Variants in NCL observed in about 807,000 individuals in gnomAD.
The protein encoded by NCL is nucleolin multifunctional protein.
NCL carries 4 observed loss-of-function variants against 77.7 expected under a neutral mutation model. The observed-to-expected ratio is 0.05, with a 90% CI of 0.03 to 0.12. The LOEUF (loss-of-function observed/expected upper bound fraction) is 0.12, where lower values mean the gene tolerates loss of function less well. Ranked by LOEUF, NCL falls within the 10% of genes least tolerant of loss-of-function variation. The pLI is 1.00. For missense variants in NCL, 763 were observed against 860.9 expected, an observed-to-expected ratio of 0.89 and a Z score of 1.42; for synonymous variants, 344 against 297.8, an observed-to-expected ratio of 1.16 and a Z score of -1.60.
rs754577866 is a variant in NCL at position 231,461,916 on chromosome 2, C to T, written c.237G>A (p.Lys79=). Reference sequence around the variant, plus strand: ...TTTTGCCTGGAGTGACAGCTGCTTTCTTGGCTGGTGTGGCAACTGCAACCT... The same window carrying T: ...TTTTGCCTGGAGTGACAGCTGCTTTTTTGGCTGGTGTGGCAACTGCAACCT... ...TKKVAVATPA[K]KAAVTPGKKA... is the part of the protein sequence containing the mutation. Residue 79 remains lysine, a synonymous_variant, in exon 3 of 14, where the codon AAG becomes AAA. Coordinates refer to ENST00000322723, the MANE Select transcript of NCL (RefSeq NM_005381.3). The T allele has an allele frequency of 6.4e-5, 104 of 1,614,092 alleles. No individual in the cohort carries two copies. Among genetic ancestry groups the T allele is most frequent in the Non-Finnish European group, 8.3e-5 (98 of 1,180,038 alleles).
intron 7 of NCL, 163 bp downstream of exon 7, chr2:231,458,838 C>G (rs1285162911): frequency 1.3e-6 from 1 of 772,180 alleles, no homozygotes; most frequent in Non-Finnish European, 1.9e-6. Context: ...GCCAAGTACT[C>G]TTGTAAACAC....
chr2:231,462,937 T>C (rs1480517051), intron 2 of NCL: 1 of 414,692 alleles, frequency 2.4e-6, no homozygotes, highest in African/African-American at 2.0e-5. Context: ...TGGAAAAATG[T>C]AATGATTTAA....
At chr2:231,461,062 TGAGGTCAA>T (rs1358694080) in intron 3 of NCL, among the ~76,000 whole-genome samples, 196 bp from the exon 4 acceptor site, 3 of 152,142 alleles carry the variant, frequency 2.0e-5, no homozygotes, top group African/African-American at 7.2e-5. Context: ...GTGGATCACC[TGAGGTCAA>T]AAGTTCGAGA....
At chr2:231,460,635 ACT>A (rs771051308) in intron 4 of NCL, 32 bp downstream of exon 4, 12 of 1,613,828 alleles carry the variant, frequency 7.4e-6, no homozygotes, top group Non-Finnish European at 1.0e-5. Context: ...TTTAAACATA[ACT>A]CATGTCGTAT....
At chr2:231,458,430 A>C in intron 7 of NCL, 41 bp from the exon 8 acceptor site, 8 of 1,600,972 alleles carry the variant, frequency 5.0e-6, no homozygotes, top group Non-Finnish European at 6.0e-6. Context: ...GGCCTGAAAA[A>C]CCAAAGGTGG....
At chr2:231,459,856 A>G (rs2046929225) in intron 6 of NCL, among the ~76,000 whole-genome samples, 1 of 151,922 alleles carries the variant, frequency 6.6e-6, no homozygotes, top group Admixed American at 6.6e-5. Context: ...GCAGTGAGCC[A>G]AGATTGCGCC....
At chr2:231,460,034 C>A (rs958586635) in intron 6 of NCL, 118 bp downstream of exon 6, 3 of 1,189,476 alleles carry the variant, frequency 2.5e-6, no homozygotes, top group Non-Finnish European at 2.4e-6. Context: ...TAATGCTAAT[C>A]CTTGAAGATG....
In NCL at chr2:231,464,466, C is replaced by T; in HGVS notation, c.-113G>A. Reference sequence around the variant, plus strand: ...ATCCCGGAGCACGTACACCCGAAGGCCAGCGAGAGCTCGAGACTGAGGCGA... The same window carrying T: ...ATCCCGGAGCACGTACACCCGAAGGTCAGCGAGAGCTCGAGACTGAGGCGA... On this transcript the variant is annotated 5_prime_UTR_variant, in exon 1 of 14. Coordinates refer to ENST00000322723, the MANE Select transcript of NCL (RefSeq NM_005381.3). The T allele has an allele frequency of 7.1e-7, 1 of 1,418,124 alleles. No homozygotes were observed. Among genetic ancestry groups the T allele is most frequent in the Non-Finnish European group, 9.7e-7 (1 of 1,027,216 alleles). 87.8% of individuals were successfully genotyped at this position (1,418,124 alleles called of 1,614,324 possible).
chr2:231,460,028 G>T, intron 6 of NCL, 124 bp downstream of exon 6: 1 of 1,145,454 alleles, frequency 8.7e-7, no homozygotes, highest in Non-Finnish European at 1.2e-6. Flanking sequence ...GTTCACTAAT[G>T]CTAATCCTTG....
intron 6 of NCL, among the ~76,000 whole-genome samples, chr2:231,459,657 A>T (rs2046927206): frequency 6.6e-6 from 1 of 152,028 alleles, no homozygotes. Context: ...CTGTAATCCC[A>T]GCACTTCGAG....
intron 11 of NCL, 101 bp from the exon 12 acceptor site, chr2:231,456,237 A>G (rs1049672792): frequency 1.4e-5 from 21 of 1,479,350 alleles, no homozygotes; most frequent in African/African-American, 4.2e-5. Context: ...TACTTGTTAT[A>G]GTGAAAAAGC....
chr2:231,456,145 GA>G lies in NCL; in HGVS notation c.1706-10del, dbSNP rs150234462. The G allele has an allele frequency of 2.0e-5, 31 of 1,584,678 alleles. No individual in the cohort carries two copies. Among genetic ancestry groups the G allele is most frequent in the South Asian group, 8.0e-5 (7 of 87,770 alleles). Reference sequence around the variant, plus strand: ...CAGAGTTTTGGATGGCTCTGGGAAGGAAAAAAAAATGTGACTTTATGTGAAG... The same window carrying G: ...CAGAGTTTTGGATGGCTCTGGGAAGGAAAAAAAATGTGACTTTATGTGAAG... On this transcript the variant is annotated splice_polypyrimidine_tract_variant and intron_variant, in intron 11 of 13. Transcript: ENST00000322723.
intron 6 of NCL, among the ~76,000 whole-genome samples, chr2:231,459,917 AAAC>A (rs1165272244): frequency 6.6e-6 from 1 of 151,720 alleles, no homozygotes; most frequent in Non-Finnish European, 1.5e-5. Flanking sequence ...TACATAACAA[AAAC>A]AACAAAAAAA....
chr2:231,460,718 TTCA>T lies in NCL; in HGVS notation c.759_761del (p.Asp253del), dbSNP rs535807736. 1.5e-4 allele frequency: 235 copies of T among 1,595,518 alleles called. No individual in the cohort carries two copies. The highest frequency in any genetic ancestry group is 1.4e-3 in the African/African-American group (107 of 74,704). On this transcript the variant is annotated inframe_deletion, in exon 4 of 14. Transcript: ENST00000322723. The stretch of plus-strand genomic sequence containing the variant: ...CCTCATCATCTTCATCATCATCATC[TTCA>T]TCATCTTCGTCGTCGTCGTCATCCT...
intron 9 of NCL, 129 bp from the exon 10 acceptor site, chr2:231,457,253 A>G (rs759906706): frequency 2.3e-6 from 3 of 1,301,374 alleles, no homozygotes; most frequent in African/African-American, 1.5e-5. Flanking sequence ...GACGTAAGCT[A>G]AATCCATTTC....
At position 231,460,882 on chromosome 2, in the gene NCL, C is replaced by A. The variant is rs746545563; in HGVS notation, c.614-16G>T. The A allele has an allele frequency of 8.1e-6, 13 of 1,605,064 alleles. No homozygotes were observed. In the East Asian group the frequency reaches 2.7e-4, roughly 33 times the overall value. On this transcript the variant is annotated splice_polypyrimidine_tract_variant and intron_variant, in intron 3 of 13. Transcript: ENST00000322723. Reference sequence around the variant, plus strand: ...TCTTCAGAGTCTGAAAGAGAAGTCACCTAAAAATTGCAGCAATCTCCCAAA... The same window carrying A: ...TCTTCAGAGTCTGAAAGAGAAGTCAACTAAAAATTGCAGCAATCTCCCAAA...
chr2:231,464,125 G>C (rs1391841314), intron 1 of NCL: 9 of 1,375,446 alleles, frequency 6.5e-6, no homozygotes, highest in Admixed American at 2.9e-5. Flanking sequence ...TTCCCGCCGC[G>C]TTCGCCGCCC....
At position 231,463,264 on chromosome 2, in the gene NCL, A is replaced by G. The variant is rs756540528; in HGVS notation, c.71T>C (p.Val24Ala). Residue 24 changes from valine to alanine, a missense_variant, in exon 2 of 14, where the codon GTA (valine) becomes GCA (alanine). Coordinates refer to ENST00000322723, the MANE Select transcript of NCL (RefSeq NM_005381.3). ...TTCCTCATCTTCACTATCTTCTTCT[A>G]CCTCCTTTGGAGGAGGAGCCATTTT... ...PKKMAPPPKE[V>A]EEDSEDEEMS... 1 of 1,612,424 alleles carries G rather than the reference A, an allele frequency of 6.2e-7. No individual in the cohort carries two copies. Among genetic ancestry groups the G allele is most frequent in the Non-Finnish European group, 8.5e-7 (1 of 1,179,744 alleles).
intron 4 of NCL, 25 bp downstream of exon 4, chr2:231,460,644 G>C (rs202036349): frequency 5.6e-6 from 9 of 1,614,066 alleles, no homozygotes; most frequent in African/African-American, 1.3e-5. Context: ...AACTCATGTC[G>C]TATGTCAGAA....
Sources: gnomAD v4.1 joint callset for allele counts (sites outside exome capture counted in the v4.1 genomes callset) on GRCh38, gnomAD v4.1.1 for gene constraint, MANE v1.5 for transcripts, NCBI Gene and HGNC (gene_info 2026-07-23, HGNC 2026-07-21) for gene names.